Variants in ADAM19 observed in about 807,000 individuals in gnomAD.
ADAM19 encodes ADAM metallopeptidase domain 19.
In ADAM19, 65 loss-of-function variants were observed where a neutral mutation model predicts 114.7. The ratio of observed to expected loss-of-function variants is 0.57; its 90% CI spans 0.46 to 0.70. ADAM19 has a LOEUF of 0.70. Among genes scored for constraint, ADAM19 ranks in the 30% least tolerant of loss-of-function variants. The pLI, the probability that ADAM19 is intolerant of heterozygous loss-of-function variation, is 0.00. For missense variants in ADAM19, 1,063 were observed against 1,204.7 expected (o/e 0.88, Z 1.74); for synonymous variants, 466 against 460.5 (o/e 1.01, Z -0.15).
chr5:157,537,659 T>C (rs1243012938), intron 4 of ADAM19, among the ~76,000 whole-genome samples: 3 of 152,246 alleles, frequency 2.0e-5, no homozygotes, highest in African/African-American at 7.2e-5. Context: ...TTCACAGTAA[T>C]TTGCATCAAT....
At chr5:157,551,703 G>T (rs528912401) in intron 3 of ADAM19, among the ~76,000 whole-genome samples, 2 of 151,290 alleles carry the variant, frequency 1.3e-5, no homozygotes, top group Admixed American at 1.3e-4. Flanking sequence ...ACTATATAAG[G>T]AGCTCAAACA....
intron 2 of ADAM19, among the ~76,000 whole-genome samples, chr5:157,569,543 G>A (rs1055567414): frequency 4.6e-5 from 7 of 150,692 alleles, no homozygotes; most frequent in African/African-American, 1.7e-4. Context: ...ACAGGCTTGA[G>A]CCATCGCACT....
chr5:157,479,954 A>AT lies in ADAM19; in HGVS notation c.*994dup. 2.0e-6 allele frequency: 2 copies of AT among 985,888 alleles called. No individual in the cohort carries two copies. The highest frequency in any genetic ancestry group is 3.5e-5 in the African/African-American group (2 of 57,322). The allele number at this position is 985,888 out of a possible 1,614,324, so 61.1% of individuals were successfully genotyped here. ...TCACAAAACACAATGAAAAATAAAC[A>AT]TATGACCCCAATGGCCATGCCCCAA... is the stretch of plus-strand genomic sequence containing the variant. On this transcript the variant is annotated 3_prime_UTR_variant, in exon 23 of 23. Transcript: ENST00000257527.
intron 4 of ADAM19, among the ~76,000 whole-genome samples, chr5:157,535,916 G>A (rs981404801): frequency 6.6e-6 from 1 of 152,198 alleles, no homozygotes; most frequent in African/African-American, 2.4e-5. Flanking sequence ...AGCTTTCTAG[G>A]CATGCCTGTT....
At chr5:157,488,152 A>G (rs748585260) in intron 21 of ADAM19, 113 bp downstream of exon 21, 3 of 1,064,736 alleles carry the variant, frequency 2.8e-6, no homozygotes, top group Admixed American at 2.1e-5. Context: ...ATTGCAGAAA[A>G]GGCAGTCAGC....
At chr5:157,548,066 C>A (rs751610065) in intron 3 of ADAM19, among the ~76,000 whole-genome samples, 1 of 152,172 alleles carries the variant, frequency 6.6e-6, no homozygotes, top group Non-Finnish European at 1.5e-5. Flanking sequence ...TGCCTTTGGG[C>A]CTTTGATCCT....
At chr5:157,494,833 G>A in intron 14 of ADAM19, 38 bp from the exon 15 acceptor site, 2 of 1,553,806 alleles carry the variant, frequency 1.3e-6, no homozygotes, top group East Asian at 2.3e-5. Context: ...ATACTCATCT[G>A]TCAGAAGCCC....
intron 2 of ADAM19, among the ~76,000 whole-genome samples, chr5:157,567,321 G>A (rs909584925): frequency 3.3e-5 from 5 of 152,206 alleles, no homozygotes; most frequent in Non-Finnish European, 7.3e-5. Flanking sequence ...GTAGGAAGCT[G>A]GGGAGATGTT....
intron 21 of ADAM19, among the ~76,000 whole-genome samples, chr5:157,484,530 CGA>C (rs1407965252): frequency 1.3e-5 from 2 of 152,138 alleles, no homozygotes; most frequent in African/African-American, 4.8e-5. Context: ...CTTCCCTTCT[CGA>C]GAGGGTCACT....
chr5:157,491,122 T>C (rs1479635154), intron 18 of ADAM19, among the ~76,000 whole-genome samples: 1 of 151,954 alleles, frequency 6.6e-6, no homozygotes, highest in African/African-American at 2.4e-5. Context: ...TTTTTAAAGT[T>C]ATTTGCTATT....
At chr5:157,488,051 G>A (rs1438774609) in intron 21 of ADAM19, among the ~76,000 whole-genome samples, 1 of 152,186 alleles carries the variant, frequency 6.6e-6, no homozygotes, top group Non-Finnish European at 1.5e-5. Flanking sequence ...GCCAACCCGG[G>A]AGAAAATGCC....
chr5:157,553,922 T>C (rs927806638), intron 3 of ADAM19, among the ~76,000 whole-genome samples: 4 of 152,322 alleles, frequency 2.6e-5, no homozygotes, highest in African/African-American at 9.6e-5. Flanking sequence ...CTATAACTTG[T>C]TTAATTTTTC....
intron 12 of ADAM19, among the ~76,000 whole-genome samples, chr5:157,501,786 C>A (rs566771532): frequency 6.6e-6 from 1 of 152,052 alleles, no homozygotes; most frequent in African/African-American, 2.4e-5. Context: ...CGGTGGCTCA[C>A]GCCTGCAATC....
intron 21 of ADAM19, among the ~76,000 whole-genome samples, chr5:157,486,849 C>T (rs1422112389): frequency 6.6e-6 from 1 of 151,840 alleles, no homozygotes; most frequent in African/African-American, 2.4e-5. Flanking sequence ...AGAATGTGAC[C>T]ATATTTAGAG....
intron 4 of ADAM19, among the ~76,000 whole-genome samples, chr5:157,532,137 T>C (rs1166113459): frequency 1.3e-5 from 2 of 152,156 alleles, no homozygotes; most frequent in African/African-American, 4.8e-5. Context: ...GGTCTGCTGC[T>C]GCTCTCCAGC....
chr5:157,539,287 G>C (rs147729748), intron 3 of ADAM19, among the ~76,000 whole-genome samples: 33 of 152,308 alleles, frequency 2.2e-4, no homozygotes, highest in African/African-American at 7.7e-4. Context: ...AACTGTCAGA[G>C]AGGTGTTTTG....
At chr5:157,540,312 G>T (rs1479313006) in intron 3 of ADAM19, among the ~76,000 whole-genome samples, 1 of 152,182 alleles carries the variant, frequency 6.6e-6, no homozygotes, top group East Asian at 1.9e-4. Flanking sequence ...CCATTTCCTG[G>T]GTTTGCTTTC....
rs1479098761 is a variant in ADAM19, at chr5:157,479,722, G to A, written c.*1227C>T. 1.2e-5 allele frequency: 12 copies of A among 985,902 alleles called. No homozygotes were observed. The highest frequency in any genetic ancestry group is 1.1e-4 in the East Asian group (1 of 8,834). The allele number at this position is 985,902 out of a possible 1,614,324, so 61.1% of individuals were successfully genotyped here. ...GAGGCTCCCTGCTCTGACTGTTCCAGTGCAGCTGCTGCTGGCTGCCTTCTC... is the reference window on the plus strand; with the variant it reads ...GAGGCTCCCTGCTCTGACTGTTCCAATGCAGCTGCTGCTGGCTGCCTTCTC... On this transcript the variant is annotated 3_prime_UTR_variant, in exon 23 of 23. Transcript: ENST00000257527.
intron 7 of ADAM19, among the ~76,000 whole-genome samples, chr5:157,516,480 C>A (rs1030089140): frequency 1.6e-4 from 24 of 152,186 alleles, no homozygotes; most frequent in Admixed American, 9.8e-4. Flanking sequence ...TGCCTCCCAC[C>A]ATGCTTCCCA....
Sources: gnomAD v4.1 joint callset for allele counts (sites outside exome capture counted in the v4.1 genomes callset) on GRCh38, gnomAD v4.1.1 for gene constraint, MANE v1.5 for transcripts, NCBI Gene and HGNC (gene_info 2026-07-23, HGNC 2026-07-21) for gene names.